VPS13A: variants seen among roughly 807,000 people sequenced by gnomAD.
The protein encoded by VPS13A is intermembrane lipid transfer protein VPS13A.
Under a neutral mutation model 390.9 loss-of-function variants are expected in VPS13A, and 264 were observed. The observed-to-expected ratio is 0.68, with a 90% CI of 0.61 to 0.75. VPS13A has a LOEUF of 0.75. Ranked by LOEUF, VPS13A falls within the 30% of genes least tolerant of loss-of-function variation. The pLI, the probability that VPS13A is intolerant of heterozygous loss-of-function variation, is 0.00. For synonymous variants in VPS13A, 1,231 were observed against 1,227.1 expected (o/e 1.00, Z -0.07); for missense variants, 3,409 against 3,733.9 (o/e 0.91, Z 2.27).
intron 53 of VPS13A, 31 bp from the exon 54 acceptor site, chr9:77,353,378 T>G (rs781487291): frequency 9.1e-5 from 46 of 507,254 alleles, no homozygotes; most frequent in Non-Finnish European, 1.2e-4. Flanking sequence ...AATTTTTTGG[T>G]TTTTTTTTTT....
Position 77,247,209 on chromosome 9 carries a change from CTCGAGT to C in VPS13A, c.1901-49_1901-44del. 2.8e-6 allele frequency: 4 copies of C among 1,425,924 alleles called. No individual in the cohort carries two copies. The South Asian group carries it at 5.4e-5, about 19-fold the overall frequency. 88.3% of individuals were successfully genotyped at this position (1,425,924 alleles called of 1,614,324 possible). ...TCATATATTTAGTGATTCTGTATTT[CTCGAGT>C]AATTTGTGAAAAGTATTCATAGAAA... is the stretch of plus-strand genomic sequence containing the variant. On this transcript the variant is annotated intron_variant, in intron 19 of 71. Coordinates refer to ENST00000360280, the MANE Select transcript of VPS13A (RefSeq NM_033305.3).
intron 69 of VPS13A, among the ~76,000 whole-genome samples, chr9:77,403,908 G>A (rs955328402): frequency 2.6e-5 from 4 of 152,206 alleles, no homozygotes; most frequent in Admixed American, 1.3e-4. Context: ...GTGAAAATAC[G>A]GCTAGCAGGG....
intron 24 of VPS13A, among the ~76,000 whole-genome samples, chr9:77,273,894 G>C (rs2131326647): frequency 6.6e-6 from 1 of 152,248 alleles, no homozygotes; most frequent in South Asian, 2.1e-4. Context: ...CTTAGGATCT[G>C]TCTTCAGAGC....
intron 45 of VPS13A, among the ~76,000 whole-genome samples, chr9:77,326,869 C>T (rs1002977129): frequency 1.3e-5 from 2 of 152,148 alleles, no homozygotes; most frequent in African/African-American, 4.8e-5. Context: ...CTACACATGT[C>T]CTGATCATTA....
intron 34 of VPS13A, 30 bp downstream of exon 34, chr9:77,303,092 T>G (rs781724708): frequency 6.2e-7 from 1 of 1,613,298 alleles, no homozygotes; most frequent in African/African-American, 1.3e-5. Flanking sequence ...TATCAATTTT[T>G]GTTTTGCTTG....
At position 77,339,871 on chromosome 9, in the gene VPS13A, T is replaced by C. The variant is rs2131506068; in HGVS notation, c.6734T>C (p.Leu2245Pro). The part of the protein sequence containing the change: ...KHPPNYKKPV[L>P]FSFQPNHFFN... Reference sequence around the variant, plus strand: ...CCACCTAATTATAAAAAGCCAGTTCTCTTTTCTTTTCAGCCAAATCACTTT... The same window carrying C: ...CCACCTAATTATAAAAAGCCAGTTCCCTTTTCTTTTCAGCCAAATCACTTT... Residue 2245 changes from leucine (L) to proline (P), a missense_variant, in exon 48 of 72, where the codon CTC (leucine) becomes CCC (proline). Leu to Pro is a moderately conservative substitution (Grantham distance 98). Transcript: ENST00000360280. 6.2e-7 allele frequency: 1 copy of C among 1,613,122 alleles called. No individual in the cohort carries two copies. The highest frequency in any genetic ancestry group is 8.5e-7 in the Non-Finnish European group (1 of 1,179,932).
chr9:77,268,006 T>G (rs1192975096), intron 23 of VPS13A, among the ~76,000 whole-genome samples: 1 of 152,184 alleles, frequency 6.6e-6, no homozygotes, highest in Non-Finnish European at 1.5e-5. Flanking sequence ...CAGTGGTGAT[T>G]CCCGCTCCCC....
At chr9:77,381,799 T>C (rs1833453825) in intron 67 of VPS13A, among the ~76,000 whole-genome samples, 177 bp from the exon 68 acceptor site, 1 of 152,218 alleles carries the variant, frequency 6.6e-6, no homozygotes, top group Non-Finnish European at 1.5e-5. Context: ...AACTTCTCTA[T>C]AGTTCTGTAT....
intron 1 of VPS13A, among the ~76,000 whole-genome samples, chr9:77,185,330 C>T (rs1245718417): frequency 1.3e-5 from 2 of 152,110 alleles, no homozygotes; most frequent in African/African-American, 2.4e-5. Flanking sequence ...TTAGTAGAGA[C>T]GGAGTTTCAC....
intron 14 of VPS13A, 118 bp downstream of exon 14, chr9:77,226,106 T>C (rs1823492405): frequency 1.1e-6 from 1 of 894,446 alleles, no homozygotes; most frequent in South Asian, 1.8e-5. Context: ...TTCAATTTGC[T>C]TTTTAGTATT....
chr9:77,365,664 A>G, intron 60 of VPS13A, 91 bp downstream of exon 60: 1 of 750,750 alleles, frequency 1.3e-6, no homozygotes, highest in Non-Finnish European at 2.3e-6. Context: ...AATATATAAA[A>G]TCTGTAAATA....
intron 19 of VPS13A, among the ~76,000 whole-genome samples, chr9:77,239,304 A>G (rs1257542036): frequency 1.3e-5 from 2 of 151,998 alleles, no homozygotes; most frequent in South Asian, 2.1e-4. Context: ...TGGCAAAATC[A>G]TAATAGAGAC....
At position 77,339,847 on chromosome 9, in the gene VPS13A, C is replaced by T. The variant is rs756913805; in HGVS notation, c.6710C>T (p.Pro2237Leu). ...GCAGACGGAATTCATCGAAAGCATC[C>T]ACCTAATTATAAAAAGCCAGTTCTC... The part of the protein sequence containing the change: ...YKADGIHRKH[P>L]PNYKKPVLFS... The change falls in exon 48 of 72, where the codon CCA becomes CTA. Residue 2237 changes from proline (P) to leucine (L), a missense_variant. This residue lies in a region of VPS13A where 2,717 missense variants were observed against 2,917.4 expected (regional missense o/e 0.93). Transcript: ENST00000360280. 6.2e-7 allele frequency: 1 copy of T among 1,613,816 alleles called. No individual in the cohort carries two copies. Among genetic ancestry groups the T allele is most frequent in the Admixed American group, 1.7e-5 (1 of 60,014 alleles).
intron 10 of VPS13A, among the ~76,000 whole-genome samples, chr9:77,217,782 T>C (rs918112609): frequency 1.3e-5 from 2 of 149,162 alleles, no homozygotes; most frequent in African/African-American, 5.0e-5. Flanking sequence ...GCTTTTTTTT[T>C]CTTTTTTTTT....
chr9:77,233,485 T>C (rs1415341604), intron 17 of VPS13A, among the ~76,000 whole-genome samples: 3 of 152,140 alleles, frequency 2.0e-5, no homozygotes, highest in Non-Finnish European at 4.4e-5. Flanking sequence ...TTCTTTAAAG[T>C]GTAAAGTGAG....
intron 19 of VPS13A, among the ~76,000 whole-genome samples, chr9:77,239,352 A>G (rs568829061): frequency 6.6e-6 from 1 of 152,102 alleles, no homozygotes; most frequent in South Asian, 2.1e-4. Flanking sequence ...CAGCCTGGCG[A>G]CAGAGCAACA....
chr9:77,302,706 G>A (rs1375302630), intron 33 of VPS13A, among the ~76,000 whole-genome samples: 1 of 151,952 alleles, frequency 6.6e-6, no homozygotes, highest in Non-Finnish European at 1.5e-5. Flanking sequence ...ACTCAGCTCA[G>A]TGTAAGTCAC....
rs1825849317 is a variant in VPS13A, at chr9:77,209,413, GC to G, written c.386-9del. ...ATTCAATTTTAAAAAAGGAATATTT[GC>G]AATTGTAGAACAACATCTGCCGGAA... On this transcript the variant is annotated splice_polypyrimidine_tract_variant and intron_variant, in intron 5 of 71. Transcript: ENST00000360280. The G allele has an allele frequency of 1.3e-6, 2 of 1,576,190 alleles. No homozygotes were observed.
intron 68 of VPS13A, among the ~76,000 whole-genome samples, chr9:77,388,216 A>G (rs911827398): frequency 5.3e-5 from 8 of 152,212 alleles, no homozygotes; most frequent in Non-Finnish European, 1.2e-4. Context: ...ATGGAGATCA[A>G]TTAAGAATGC....
Sources: gnomAD v4.1 joint callset for allele counts (sites outside exome capture counted in the v4.1 genomes callset) on GRCh38, gnomAD v4.1.1 for gene constraint, gnomAD v4.1.1 regional missense constraint, MANE v1.5 for transcripts, NCBI Gene and HGNC (gene_info 2026-07-23, HGNC 2026-07-21) for gene names.